TRPM3: variants seen among roughly 807,000 people sequenced by gnomAD.
The protein encoded by TRPM3 is transient receptor potential cation channel subfamily M member 3, also known as long transient receptor potential channel 3.
A neutral mutation model predicts 181.2 loss-of-function variants in TRPM3; 77 were observed. The observed-to-expected ratio is 0.42, with a 90% CI of 0.35 to 0.51. TRPM3 has a LOEUF of 0.51. TRPM3 is among the 20% of genes least tolerant of loss of function. The pLI is 0.01. For synonymous variants in TRPM3, 745 were observed against 796.4 expected (o/e 0.94, Z 1.09); for missense variants, 1,759 against 2,196.7 (o/e 0.80, Z 3.98).
intron 1 of TRPM3, among the ~76,000 whole-genome samples, chr9:70,960,418 C>G (rs903056555): frequency 5.3e-5 from 8 of 152,176 alleles, no homozygotes; most frequent in African/African-American, 1.2e-4. Flanking sequence ...TTTAATTGCT[C>G]ATCACAGACT....
chr9:71,041,617 A>C (rs1590906432), intron 1 of TRPM3, among the ~76,000 whole-genome samples: 1 of 152,160 alleles, frequency 6.6e-6, no homozygotes, highest in Non-Finnish European at 1.5e-5. Flanking sequence ...CAGAGAAAAG[A>C]CCAGACTCAG....
chr9:71,099,389 T>C (rs912211756), intron 1 of TRPM3, among the ~76,000 whole-genome samples: 1 of 152,008 alleles, frequency 6.6e-6, no homozygotes, highest in African/African-American at 2.4e-5. Flanking sequence ...TTTGGGGGGG[T>C]ATACACATTC....
rs1285257896 is a variant in TRPM3, at chr9:70,899,585, A to G, written c.178-35074T>C. Among the ~76,000 whole-genome samples the G allele has an allele frequency of 2.0e-5, 3 of 152,080 alleles. 1 individual carries two copies. The highest frequency in any genetic ancestry group is 2.0e-4 in the Admixed American group (3 of 15,268). ...TTTTTGTTCCTTCCCTTGACCCCTT[A>G]TGAATCTGCTGTCTTGCAAAACTTT... On this transcript the variant is annotated intron_variant, in intron 1 of 25. Transcript: ENST00000677713.
rs141932117 is a variant in TRPM3 at position 71,334,512 on chromosome 9, A to G, written c.183+112141T>C. Reference sequence around the variant, plus strand: ...GAATTACCATAACATCCTCTGCTCTATTACAGATGATGGCTAATCCTGTCT... The same window carrying G: ...GAATTACCATAACATCCTCTGCTCTGTTACAGATGATGGCTAATCCTGTCT... On this transcript the variant is annotated intron_variant, in intron 1 of 24. Coordinates refer to the TRPM3 transcript ENST00000357533. 1.0e-3 allele frequency among the ~76,000 whole-genome samples: 148 copies of G among 147,956 alleles called. 2 individuals are homozygous for G. The highest frequency in any genetic ancestry group is 6.1e-3 in the South Asian group (29 of 4,750).
At chr9:71,023,805 T>C (rs564659954) in intron 1 of TRPM3, among the ~76,000 whole-genome samples, 68 of 152,098 alleles carry the variant, frequency 4.5e-4, no homozygotes, top group African/African-American at 1.6e-3. Flanking sequence ...AACAGATTAG[T>C]GGCCACTAGG....
chr9:70,682,825 C>T (rs2065812875), intron 8 of TRPM3, among the ~76,000 whole-genome samples: 2 of 152,148 alleles, frequency 1.3e-5, no homozygotes, highest in Non-Finnish European at 1.5e-5. Flanking sequence ...ATGCCTCGAG[C>T]TTATCTCTAG....
chr9:71,361,493 C>A (rs151252662), intron 1 of TRPM3, among the ~76,000 whole-genome samples: 2 of 152,290 alleles, frequency 1.3e-5, no homozygotes, highest in Non-Finnish European at 2.9e-5. Context: ...TGTCCCTGTG[C>A]CTGACCAGAA....
chr9:70,691,471 A>C (rs974781315), intron 8 of TRPM3, among the ~76,000 whole-genome samples: 1 of 152,202 alleles, frequency 6.6e-6, no homozygotes. Context: ...TTATAGATTC[A>C]AGCACACTCA....
At chr9:70,876,264 T>C (rs1247485418) in intron 1 of TRPM3, among the ~76,000 whole-genome samples, 3 of 150,478 alleles carry the variant, frequency 2.0e-5, no homozygotes, top group Non-Finnish European at 3.0e-5. Context: ...CTAATATATA[T>C]ACATATACAT....
intron 1 of TRPM3, among the ~76,000 whole-genome samples, chr9:71,391,177 T>C (rs1439168562): frequency 6.6e-6 from 1 of 152,044 alleles, no homozygotes; most frequent in Non-Finnish European, 1.5e-5. Context: ...TATTATGTAC[T>C]AGGCATATCC....
intron 25 of TRPM3, among the ~76,000 whole-genome samples, chr9:70,547,423 G>A (rs1448336121): frequency 6.6e-6 from 1 of 151,462 alleles, no homozygotes; most frequent in Non-Finnish European, 1.5e-5. Flanking sequence ...TGGTAATATG[G>A]ATCTACTCTT....
intron 1 of TRPM3, among the ~76,000 whole-genome samples, chr9:71,437,074 G>A (rs984663813): frequency 6.6e-6 from 1 of 152,166 alleles, no homozygotes; most frequent in African/African-American, 2.4e-5. Context: ...AGGCCTGACA[G>A]TACACTAACA....
At chr9:71,423,246 A>G (rs996800393) in intron 1 of TRPM3, among the ~76,000 whole-genome samples, 5 of 152,116 alleles carry the variant, frequency 3.3e-5, no homozygotes, top group East Asian at 1.9e-4. Flanking sequence ...TGAAAACATT[A>G]TAAGAAATAG....
At chr9:71,204,050 C>A (rs560153891) in intron 1 of TRPM3, among the ~76,000 whole-genome samples, 5 of 151,840 alleles carry the variant, frequency 3.3e-5, no homozygotes, top group African/African-American at 1.2e-4. Flanking sequence ...ACACCTTATA[C>A]AAAAATTAAT....
At chr9:70,590,389 T>C (rs1471621287) in intron 22 of TRPM3, among the ~76,000 whole-genome samples, 1 of 152,260 alleles carries the variant, frequency 6.6e-6, no homozygotes, top group Non-Finnish European at 1.5e-5. Context: ...AATCGTTTCA[T>C]AATATAGATA....
intron 1 of TRPM3, among the ~76,000 whole-genome samples, chr9:71,106,799 T>C (rs908981762): frequency 1.3e-5 from 2 of 152,162 alleles, no homozygotes; most frequent in Non-Finnish European, 2.9e-5. Context: ...TAAAACAGGA[T>C]AAAATGTTTC....
At chr9:70,552,768 C>A (rs558191304) in intron 24 of TRPM3, 76 bp downstream of exon 24, 5 of 1,500,660 alleles carry the variant, frequency 3.3e-6, no homozygotes, top group South Asian at 2.3e-5. Context: ...GGTGGGCATG[C>A]GATTCTGCGT....
intron 1 of TRPM3, among the ~76,000 whole-genome samples, chr9:71,227,646 A>T (rs1378899011): frequency 6.6e-6 from 1 of 152,140 alleles, no homozygotes; most frequent in Non-Finnish European, 1.5e-5. Flanking sequence ...AGAAATGAAA[A>T]AAAGAGACAT....
At chr9:70,573,730 T>G (rs2053089878) in intron 22 of TRPM3, among the ~76,000 whole-genome samples, 1 of 151,790 alleles carries the variant, frequency 6.6e-6, no homozygotes, top group Non-Finnish European at 1.5e-5. Flanking sequence ...TTCCAAAACA[T>G]GGGGGCCATG....
Sources: allele counts gnomAD v4.1 joint callset (sites outside exome capture counted in the v4.1 genomes callset), GRCh38; gene constraint gnomAD v4.1.1; transcripts MANE v1.5; gene names NCBI Gene and HGNC (gene_info 2026-07-23, HGNC 2026-07-21).